Variants in NR0B2 observed in about 807,000 individuals in gnomAD.
NR0B2 encodes nuclear receptor SHP.
A neutral mutation model predicts 18.9 loss-of-function variants in NR0B2; 17 were observed. That is an observed-to-expected ratio of 0.90 (90% CI 0.62 to 1.35). The LOEUF is 1.35. Ranked by LOEUF, NR0B2 falls within the 40% of genes most tolerant of loss-of-function variation. The pLI is 0.00. For synonymous variants in NR0B2, 116 were observed against 138.5 expected (o/e 0.84, Z 1.14); for missense variants, 312 against 333.3 (o/e 0.94, Z 0.50).
At chr1:26,912,631 C>T (rs1489065023) in intron 1 of NR0B2, among the ~76,000 whole-genome samples, 2 of 152,172 alleles carry the variant, frequency 1.3e-5, no homozygotes, top group Admixed American at 6.5e-5. Flanking sequence ...ACAGCACTGT[C>T]TCCATCTGCC....
rs200354158 is a variant in NR0B2, at chr1:26,913,802, C to A, written c.139G>T (p.Val47Phe). Reference sequence around the variant, plus strand: ...GTGCGATGAGGTGCACATAGCTGGACGGGCCGGTGCTGCCTACATAGGCAG... The same window carrying A: ...GTGCGATGAGGTGCACATAGCTGGAAGGGCCGGTGCTGCCTACATAGGCAG... ...SRCLCRQHRP[V>F]QLCAPHRTCR... is the part of the protein sequence containing the mutation. The change falls in exon 1 of 2, where the codon GTC (valine) becomes TTC (phenylalanine). Residue 47 changes from valine to phenylalanine, a missense_variant. By Grantham distance (50) the Val-to-Phe change is conservative. Transcript: ENST00000254227. The A allele has an allele frequency of 6.5e-7, 1 of 1,527,258 alleles. No homozygotes were observed. The highest frequency in any genetic ancestry group is 1.4e-5 in the African/African-American group (1 of 72,238). The allele number at this position is 1,527,258 out of a possible 1,614,324, so 94.6% of individuals were successfully genotyped here.
At chr1:26,912,220 A>C in intron 1 of NR0B2, 134 bp from the exon 2 acceptor site, 2 of 924,992 alleles carry the variant, frequency 2.2e-6, no homozygotes, top group Non-Finnish European at 3.3e-6. Context: ...TCCCACTACT[A>C]CCTCCTCCTT....
At chr1:26,913,330 T>C (rs2082039312) in intron 1 of NR0B2, 79 bp downstream of exon 1, 1 of 1,298,558 alleles carries the variant, frequency 7.7e-7, no homozygotes, top group Non-Finnish European at 1.1e-6. Flanking sequence ...ATAACAGATA[T>C]CAAACCCTTA....
Position 26,913,818 on chromosome 1 carries a change from A to C in NR0B2, c.123T>G (p.Cys41Trp), listed in dbSNP as rs367946492. Reference protein sequence around the residue: ...AVPRPRSRCLCRQHRPVQLCA... With the variant: ...AVPRPRSRCLWRQHRPVQLCA... The stretch of plus-strand genomic sequence containing the variant: ...ATAGCTGGACGGGCCGGTGCTGCCT[A>C]CATAGGCAGCGGCTACGGGGTCGGG... The change falls in exon 1 of 2, where the codon TGT (cysteine) becomes TGG (tryptophan). Residue 41 changes from cysteine (C) to tryptophan (W), a missense_variant. Coordinates refer to ENST00000254227, the MANE Select transcript of NR0B2 (RefSeq NM_021969.3). The C allele has an allele frequency of 3.6e-5, 54 of 1,513,846 alleles. No individual in the cohort carries two copies. Among genetic ancestry groups the C allele is most frequent in the Non-Finnish European group, 4.7e-5 (53 of 1,130,236 alleles). 93.8% of individuals were successfully genotyped at this position (1,513,846 alleles called of 1,614,324 possible).
In NR0B2 at chr1:26,913,892, G is replaced by A. The variant is rs773602796; in HGVS notation, c.49C>T (p.Arg17Cys). ...AGAAGTGCGTAGAGAATGGCGGGGCGGCTTGCAGCTCCCTGGCATGGGCAG... is the reference window on the plus strand; with the variant it reads ...AGAAGTGCGTAGAGAATGGCGGGGCAGCTTGCAGCTCCCTGGCATGGGCAG... ...GACPCQGAAS[R>C]PAILYALLSS... The change falls in exon 1 of 2, where the codon CGC (arginine) becomes TGC (cysteine). Residue 17 changes from arginine (R) to cysteine (C), a missense_variant. By Grantham distance (180) the Arg-to-Cys change is radical. Transcript: ENST00000254227. 30 of 1,486,306 alleles carry A rather than the reference G, an allele frequency of 2.0e-5. No individual in the cohort carries two copies. The highest frequency in any genetic ancestry group is 2.4e-5 in the Non-Finnish European group (27 of 1,116,360). The allele number at this position is 1,486,306 out of a possible 1,614,324, so 92.1% of individuals were successfully genotyped here.
rs1287068157 is a variant in NR0B2, at chr1:26,912,025, C to T, written c.594G>A (p.Val198=). ...ACCAGGGTTCCAGGACTTCACACAG[C>T]ACCCAGTGAGCCTCCTGCTGCAGGT... is the stretch of plus-strand genomic sequence containing the variant. ...IGHLQQEAHW[V]LCEVLEPWCP... Residue 198 remains valine, a synonymous_variant, in exon 2 of 2, where the codon GTG becomes GTA. Transcript: ENST00000254227. 4 of 1,614,074 alleles carry T rather than the reference C, an allele frequency of 2.5e-6. No individual in the cohort carries two copies.
At position 26,911,621 on chromosome 1, in the gene NR0B2, G is replaced by A. The variant is rs2082026853; in HGVS notation, c.*224C>T. On this transcript the variant is annotated 3_prime_UTR_variant, in exon 2 of 2. Transcript: ENST00000254227. ...GAAGGGACAGGAGTCTTGGCCCAGA[G>A]GCTGTGGGGACCACCAAAAGCCTCC... 3 of 581,512 alleles carry A rather than the reference G, an allele frequency of 5.2e-6. No individual in the cohort carries two copies. Among genetic ancestry groups the A allele is most frequent in the Non-Finnish European group, 9.4e-6 (3 of 320,822 alleles). The allele number at this position is 581,512 out of a possible 1,614,324, so 36.0% of individuals were successfully genotyped here.
At position 26,913,960 on chromosome 1, in the gene NR0B2, C is replaced by T; in HGVS notation, c.-20G>A. ...GCTCATGGTTAGGGATCTGCTCTCA[C>T]TTCCAGCTCTCTGGCTCTGTGTTCT... On this transcript the variant is annotated 5_prime_UTR_variant, in exon 1 of 2. In the 5' UTR this introduces an upstream ATG that the reference lacks. Coordinates refer to ENST00000254227, the MANE Select transcript of NR0B2 (RefSeq NM_021969.3). 1.4e-6 allele frequency: 2 copies of T among 1,445,112 alleles called. No individual in the cohort carries two copies. Among genetic ancestry groups the T allele is most frequent in the Non-Finnish European group, 1.8e-6 (2 of 1,094,944 alleles). 89.5% of individuals were successfully genotyped at this position (1,445,112 alleles called of 1,614,324 possible).
intron 1 of NR0B2, 113 bp from the exon 2 acceptor site, chr1:26,912,199 G>A (rs927884415): frequency 3.2e-5 from 41 of 1,274,550 alleles, no homozygotes; most frequent in Admixed American, 9.2e-5. Context: ...TCCTTTGCTC[G>A]GCCTTTGAGG....
chr1:26,912,843 G>T (rs1483701568), intron 1 of NR0B2, among the ~76,000 whole-genome samples: 1 of 152,180 alleles, frequency 6.6e-6, no homozygotes, highest in African/African-American at 2.4e-5. Flanking sequence ...AAAGGTCAGA[G>T]CAAATTTCTC....
rs200475847 is a variant in NR0B2, at chr1:26,911,972, C to T, written c.647G>A (p.Arg216His). 140 of 1,614,226 alleles carry T rather than the reference C, an allele frequency of 8.7e-5. 1 individual carries two copies. In the East Asian group the frequency reaches 2.5e-3, roughly 29 times the overall value. The change falls in exon 2 of 2, where the codon CGT (arginine) becomes CAT (histidine). Residue 216 changes from arginine to histidine, a missense_variant. By Grantham distance (29) the Arg-to-His change is conservative (BLOSUM62 0). Coordinates refer to ENST00000254227, the MANE Select transcript of NR0B2 (RefSeq NM_021969.3). The part of the protein sequence containing the change: ...WCPAAQGRLT[R>H]VLLTASTLKS... ...GAGGGTGGAGGCCGTGAGGAGGACA[C>T]GGGTCAGGCGGCCTTGGGCTGCTGG...
chr1:26,912,011 A>G lies in NR0B2; in HGVS notation c.608T>C (p.Leu203Pro), dbSNP rs2124067588. The G allele has an allele frequency of 1.2e-6, 2 of 1,614,232 alleles. No homozygotes were observed. Among genetic ancestry groups the G allele is most frequent in the Non-Finnish European group, 8.5e-7 (1 of 1,180,040 alleles). ...QEAHWVLCEV[L>P]EPWCPAAQGR... ...TTGGGCTGCTGGGCACCAGGGTTCCAGGACTTCACACAGCACCCAGTGAGC... is the reference window on the plus strand; with the variant it reads ...TTGGGCTGCTGGGCACCAGGGTTCCGGGACTTCACACAGCACCCAGTGAGC... Residue 203 changes from leucine (L) to proline (P), a missense_variant, in exon 2 of 2, where the codon CTG becomes CCG. Leu to Pro is a moderately conservative substitution (Grantham distance 98, BLOSUM62 -3). Transcript: ENST00000254227.
rs866789228 is a variant in NR0B2 at position 26,911,680 on chromosome 1, A to G, written c.*165T>C. 1.3e-6 allele frequency: 1 copy of G among 792,878 alleles called. No individual in the cohort carries two copies. The allele number at this position is 792,878 out of a possible 1,614,324, so 49.1% of individuals were successfully genotyped here. A position where few individuals can be genotyped will look rare whatever the true frequency, so the allele number is the denominator to read the frequency against. ...TGGAACACTGTGTCCAAACCAAGGA[A>G]GTCCAATGTGGGGTGTGGCTGAGTG... On this transcript the variant is annotated 3_prime_UTR_variant, in exon 2 of 2. Coordinates refer to ENST00000254227, the MANE Select transcript of NR0B2 (RefSeq NM_021969.3).
chr1:26,913,963 C>T lies in NR0B2; in HGVS notation c.-23G>A, dbSNP rs751247100. ...CATGGTTAGGGATCTGCTCTCACTT[C>T]CAGCTCTCTGGCTCTGTGTTCTGCG... On this transcript the variant is annotated 5_prime_UTR_variant, in exon 1 of 2. Coordinates refer to ENST00000254227, the MANE Select transcript of NR0B2 (RefSeq NM_021969.3). 1.0e-5 allele frequency: 15 copies of T among 1,442,742 alleles called. No individual in the cohort carries two copies. The highest frequency in any genetic ancestry group is 2.8e-5 in the African/African-American group (2 of 70,880). 89.4% of individuals were successfully genotyped at this position (1,442,742 alleles called of 1,614,324 possible).
rs771279176 is a variant in NR0B2 at position 26,913,904 on chromosome 1, C to T, written c.37G>A (p.Gly13Arg). The part of the protein sequence containing the change: ...TSQPGACPCQ[G>R]AASRPAILYA... The stretch of plus-strand genomic sequence containing the variant: ...AGAATGGCGGGGCGGCTTGCAGCTC[C>T]CTGGCATGGGCAGGCCCCTGGTTGG... The change falls in exon 1 of 2, where the codon GGA (glycine) becomes AGA (arginine). Residue 13 changes from glycine (G) to arginine (R), a missense_variant. Gly to Arg is a moderately radical substitution (Grantham distance 125). Transcript: ENST00000254227. 3 of 1,484,566 alleles carry T rather than the reference C, an allele frequency of 2.0e-6. No individual in the cohort carries two copies. The highest frequency in any genetic ancestry group is 2.7e-6 in the Non-Finnish European group (3 of 1,115,762). The allele number at this position is 1,484,566 out of a possible 1,614,324, so 92.0% of individuals were successfully genotyped here.
intron 1 of NR0B2, 25 bp downstream of exon 1, chr1:26,913,384 C>G (rs763152717): frequency 1.6e-5 from 25 of 1,612,292 alleles, no homozygotes; most frequent in Middle Eastern, 1.7e-4. Context: ...CCTTGCCCCC[C>G]ACCCAGGAGT....
intron 1 of NR0B2, 73 bp downstream of exon 1, chr1:26,913,336 C>G (rs1370916436): frequency 3.7e-6 from 5 of 1,366,902 alleles, no homozygotes; most frequent in Non-Finnish European, 4.2e-6. Flanking sequence ...GATATCAAAC[C>G]CTTAGAAGCT....
At chr1:26,912,233 G>C (rs1448956872) in intron 1 of NR0B2, 147 bp from the exon 2 acceptor site, 1 of 813,216 alleles carries the variant, frequency 1.2e-6, no homozygotes, top group African/African-American at 1.7e-5. Context: ...TCCTCCTTTA[G>C]AGGAGGTAAT....
Position 26,911,903 on chromosome 1 carries a change from G to C in NR0B2, c.716C>G (p.Pro239Arg), listed in dbSNP as rs752928115. Residue 239 changes from proline (P) to arginine (R), a missense_variant, in exon 2 of 2, where the codon CCT becomes CGT. Transcript: ENST00000254227. ...AGCGATGTCAACATCTCCAATGATA[G>C]GGCGAAAGAAGAGGTCCCCAAGCAG... ...TSLLGDLFFRPIIGDVDIAGL... is the reference protein window; with the variant it reads ...TSLLGDLFFRRIIGDVDIAGL... The C allele has an allele frequency of 1.2e-6, 2 of 1,614,154 alleles. No individual in the cohort carries two copies. Among genetic ancestry groups the C allele is most frequent in the Non-Finnish European group, 1.7e-6 (2 of 1,179,980 alleles).
Sources: gnomAD v4.1 joint callset for allele counts (sites outside exome capture counted in the v4.1 genomes callset) on GRCh38, gnomAD v4.1.1 for gene constraint, MANE v1.5 for transcripts, NCBI Gene and HGNC (gene_info 2026-07-23, HGNC 2026-07-21) for gene names.